CNN2: variants seen among roughly 807,000 people sequenced by gnomAD.
The protein encoded by CNN2 is calponin-2.
CNN2 carries 21 observed loss-of-function variants against 31.0 expected under a neutral mutation model. That is an observed-to-expected ratio of 0.68 (90% CI 0.48 to 0.98). CNN2 has a LOEUF of 0.98. Among genes scored for constraint, CNN2 ranks in the 50% least tolerant of loss-of-function variants. The pLI is 0.00. For missense variants in CNN2, 399 were observed against 427.3 expected, an observed-to-expected ratio of 0.93 and a Z score of 0.58; for synonymous variants, 165 against 179.6, an observed-to-expected ratio of 0.92 and a Z score of 0.65.
chr19:1,036,812 C>T, intron 6 of CNN2: 2 of 600,538 alleles, frequency 3.3e-6, no homozygotes, highest in Non-Finnish European at 5.9e-6. Context: ...AAGGACTGCC[C>T]AAAGGTCCAC....
intron 2 of CNN2, among the ~76,000 whole-genome samples, chr19:1,032,015 G>T (rs1459223418): frequency 6.6e-6 from 1 of 151,754 alleles, no homozygotes; most frequent in African/African-American, 2.4e-5. Flanking sequence ...GGATCACGAG[G>T]TCAGGAGATC....
In CNN2 at chr19:1,037,708, C is replaced by G; in HGVS notation, c.738C>G (p.Ser246=). Residue 246 remains serine, a synonymous_variant, in exon 7 of 7, where the codon TCC becomes TCG. Transcript: ENST00000263097. The part of the protein sequence containing the change: ...GTDKCDNSSM[S]LQMGYTQGAN... ...ACAAGTGTGACAACTCCTCCATGTC[C>G]CTGCAGATGGGCTACACGCAGGGCG... The G allele has an allele frequency of 2.5e-6, 4 of 1,611,604 alleles. No homozygotes were observed. The highest frequency in any genetic ancestry group is 2.5e-6 in the Non-Finnish European group (3 of 1,180,038).
rs921857808 is a variant in CNN2, at chr19:1,027,772, C to T, written c.63+1048C>T. Among the ~76,000 whole-genome samples, 6 of 147,476 alleles carry T rather than the reference C, an allele frequency of 4.1e-5. No individual in the cohort carries two copies. The South Asian group carries it at 1.2e-3, about 29-fold the overall frequency. Reference sequence around the variant, plus strand: ...GCCCACTGGGCACCTGGGAAGGTGTCCTTACAGCTGACTTCTGCAGGGGAA... The same window carrying T: ...GCCCACTGGGCACCTGGGAAGGTGTTCTTACAGCTGACTTCTGCAGGGGAA... On this transcript the variant is annotated intron_variant, in intron 1 of 6. Transcript: ENST00000263097.
Position 1,032,907 on chromosome 19 carries a change from T to C in CNN2, c.390+211T>C, listed in dbSNP as rs112053267. 4.2e-3 allele frequency: 2,021 copies of C among 483,594 alleles called. 10 individuals are homozygous for C. Among genetic ancestry groups the C allele is most frequent in the Middle Eastern group, 6.0e-3 (10 of 1,664 alleles). The allele number at this position is 483,594 out of a possible 1,614,324, so 30.0% of individuals were successfully genotyped here. On this transcript the variant is annotated intron_variant, in intron 4 of 6. Transcript: ENST00000263097. ...GATTCTTCTGCCTCAGTCTCCCGAGTAGCTGGGATTACAGGCACCTGCCAC... is the reference window on the plus strand; with the variant it reads ...GATTCTTCTGCCTCAGTCTCCCGAGCAGCTGGGATTACAGGCACCTGCCAC...
chr19:1,032,430 T>C lies in CNN2; in HGVS notation c.224T>C (p.Ile75Thr), dbSNP rs778904208. Reference protein sequence around the residue: ...NKLQPGSVPKINRSMQNWHQL... With the variant: ...NKLQPGSVPKTNRSMQNWHQL... ...CTACAGCCGGGCTCCGTCCCCAAGA[T>C]CAACCGCTCCATGCAGAACTGGCAC... Residue 75 changes from isoleucine (I) to threonine (T), a missense_variant, in exon 3 of 7, where the codon ATC becomes ACC. Physicochemically the swap from Ile to Thr is moderately conservative, Grantham distance 89. Coordinates refer to ENST00000263097, the MANE Select transcript of CNN2 (RefSeq NM_004368.4). The C allele has an allele frequency of 6.2e-5, 100 of 1,613,478 alleles. No individual in the cohort carries two copies. The highest frequency in any genetic ancestry group is 2.5e-6 in the Non-Finnish European group (3 of 1,179,996).
intron 6 of CNN2, chr19:1,037,233 C>G (rs2144632478): frequency 4.4e-6 from 1 of 225,120 alleles, no homozygotes; most frequent in East Asian, 1.1e-4. Flanking sequence ...GAACTCCTGA[C>G]CTCAGGTGAT....
At position 1,033,258 on chromosome 19, in the gene CNN2, C is replaced by T. The variant is rs561198282; in HGVS notation, c.390+562C>T. Reference sequence around the variant, plus strand: ...TCTGGCCGGGCGCAGTGGCTCACACCTGTAATCCCAGCACTTTGGGAGGCC... The same window carrying T: ...TCTGGCCGGGCGCAGTGGCTCACACTTGTAATCCCAGCACTTTGGGAGGCC... On this transcript the variant is annotated intron_variant, in intron 4 of 6. Coordinates refer to ENST00000263097, the MANE Select transcript of CNN2 (RefSeq NM_004368.4). Among the ~76,000 whole-genome samples, 4 of 152,080 alleles carry T rather than the reference C, an allele frequency of 2.6e-5. No individual in the cohort carries two copies. The South Asian group carries it at 8.3e-4, about 32-fold the overall frequency.
Position 1,037,811 on chromosome 19 carries a change from G to A in CNN2, c.841G>A (p.Asp281Asn), listed in dbSNP as rs80117328. Residue 281 changes from aspartate to asparagine, a missense_variant, in exon 7 of 7, where the codon GAT (aspartate) becomes AAT (asparagine). By Grantham distance (23) the Asp-to-Asn change is conservative. Coordinates refer to ENST00000263097, the MANE Select transcript of CNN2 (RefSeq NM_004368.4). ...GTACTGCCCGCAAGGCACAGTGGCC[G>A]ATGGGGCTCCCTCGGGCACCGGCGA... The part of the protein sequence containing the change: ...PKYCPQGTVA[D>N]GAPSGTGDCP... 3.2e-5 allele frequency: 51 copies of A among 1,582,702 alleles called. No individual in the cohort carries two copies. The highest frequency in any genetic ancestry group is 2.5e-4 in the African/African-American group (17 of 69,272).
intron 4 of CNN2, 128 bp from the exon 5 acceptor site, chr19:1,036,002 C>T: frequency 7.1e-7 from 1 of 1,400,186 alleles, no homozygotes; most frequent in Non-Finnish European, 9.4e-7. Flanking sequence ...AGAGATGTGC[C>T]TGTGGGGGCT....
intron 2 of CNN2, among the ~76,000 whole-genome samples, 154 bp downstream of exon 2, chr19:1,031,346 G>GGA (rs2039491806): frequency 2.2e-5 from 2 of 91,802 alleles, no homozygotes. Context: ...GGTGGCGGGG[G>GGA]GCGGTGGATC....
chr19:1,033,743 G>A (rs10415158), intron 4 of CNN2, among the ~76,000 whole-genome samples: 3 of 56,564 alleles, frequency 5.3e-5, no homozygotes, highest in Non-Finnish European at 1.1e-4. Context: ...TGGTGTAGAC[G>A]GGGAGCGTGG....
Position 1,026,686 on chromosome 19 carries a change from G to T in CNN2, c.25G>T (p.Gly9Cys). MSSTQFNKGPSYGLSAEVK... is the reference protein window; with the variant it reads MSSTQFNKCPSYGLSAEVK... ...CATGAGCTCCACGCAGTTCAACAAGGGCCCCTCGTACGGGCTGTCGGCCGA... is the reference window on the plus strand; with the variant it reads ...CATGAGCTCCACGCAGTTCAACAAGTGCCCCTCGTACGGGCTGTCGGCCGA... Residue 9 changes from glycine to cysteine, a missense_variant, in exon 1 of 7, where the codon GGC (glycine) becomes TGC (cysteine). Physicochemically the swap from Gly to Cys is radical, Grantham distance 159. Coordinates refer to ENST00000263097, the MANE Select transcript of CNN2 (RefSeq NM_004368.4). The T allele has an allele frequency of 8.4e-6, 13 of 1,549,398 alleles. No homozygotes were observed. The highest frequency in any genetic ancestry group is 2.5e-5 in the East Asian group (1 of 40,602).
At position 1,032,435 on chromosome 19, in the gene CNN2, C is replaced by A; in HGVS notation, c.229C>A (p.Arg77Ser). ...GCCGGGCTCCGTCCCCAAGATCAAC[C>A]GCTCCATGCAGAACTGGCACCAGGT... ...LQPGSVPKIN[R>S]SMQNWHQLEN... The change falls in exon 3 of 7, where the codon CGC (arginine) becomes AGC (serine). Residue 77 changes from arginine (R) to serine (S), a missense_variant. Coordinates refer to ENST00000263097, the MANE Select transcript of CNN2 (RefSeq NM_004368.4). 6.2e-7 allele frequency: 1 copy of A among 1,613,682 alleles called. No homozygotes were observed. Among genetic ancestry groups the A allele is most frequent in the Non-Finnish European group, 8.5e-7 (1 of 1,180,004 alleles).
Position 1,031,165 on chromosome 19 carries a change from G to C in CNN2, c.158G>C (p.Gly53Ala), listed in dbSNP as rs747365930. 2.5e-6 allele frequency: 4 copies of C among 1,613,210 alleles called. No individual in the cohort carries two copies. The highest frequency in any genetic ancestry group is 3.4e-6 in the Non-Finnish European group (4 of 1,179,816). Reference sequence around the variant, plus strand: ...TCCATCGGCCCCGACTTCCAGAAGGGCCTGAAGGATGGAACTATCTTATGC... The same window carrying C: ...TCCATCGGCCCCGACTTCCAGAAGGCCCTGAAGGATGGAACTATCTTATGC... ...GLSIGPDFQK[G>A]LKDGTILCTL... The change falls in exon 2 of 7, where the codon GGC becomes GCC. Residue 53 changes from glycine to alanine, a missense_variant. Coordinates refer to ENST00000263097, the MANE Select transcript of CNN2 (RefSeq NM_004368.4).
At chr19:1,035,213 AGACCGGGAGCGTGGGTGGGACACG>A (rs2039561524) in intron 4 of CNN2, among the ~76,000 whole-genome samples, 1 of 142,968 alleles carries the variant, frequency 7.0e-6, no homozygotes, top group Non-Finnish European at 1.5e-5. Flanking sequence ...TGTCTGGTGT[AGACCGGGAGCGTGGGTGGGACACG>A]GTGTCTGGTG....
chr19:1,036,504 C>T lies in CNN2; in HGVS notation c.596C>T (p.Pro199Leu). The stretch of plus-strand genomic sequence containing the variant: ...TATGACCCCAAGAACCATATCCTGC[C>T]CCCCATGGACCACTCGACCATCAGC... ...HLYDPKNHILPPMDHSTISLQ... is the reference protein window; with the variant it reads ...HLYDPKNHILLPMDHSTISLQ... Residue 199 changes from proline (P) to leucine (L), a missense_variant, in exon 6 of 7, where the codon CCC becomes CTC. Pro to Leu is a moderately conservative substitution (Grantham distance 98). Transcript: ENST00000263097. 2 of 1,613,338 alleles carry T rather than the reference C, an allele frequency of 1.2e-6. No homozygotes were observed. Among genetic ancestry groups the T allele is most frequent in the Non-Finnish European group, 8.5e-7 (1 of 1,179,352 alleles).
At chr19:1,037,326 T>C (rs541050622) in intron 6 of CNN2, 15 of 328,540 alleles carry the variant, frequency 4.6e-5, no homozygotes, top group South Asian at 2.8e-4. Flanking sequence ...TTAGTAGATA[T>C]GGGGTTTCAC....
In CNN2 at chr19:1,037,854, A is replaced by T. The variant is rs754746934; in HGVS notation, c.884A>T (p.Glu295Val). The T allele has an allele frequency of 1.2e-6, 2 of 1,603,310 alleles. No individual in the cohort carries two copies. The highest frequency in any genetic ancestry group is 2.2e-5 in the South Asian group (2 of 90,746). Residue 295 changes from glutamate to valine, a missense_variant, in exon 7 of 7, where the codon GAG becomes GTG. By Grantham distance (121) the Glu-to-Val change is moderately radical. Coordinates refer to ENST00000263097, the MANE Select transcript of CNN2 (RefSeq NM_004368.4). ...ACCGGCGACTGCCCGGACCCGGGGG[A>T]GGTCCCTGAATATCCCCCTTACTAC... ...SGTGDCPDPG[E>V]VPEYPPYYQE...
intron 1 of CNN2, chr19:1,026,966 C>G (rs970271915): frequency 4.1e-6 from 2 of 490,804 alleles, no homozygotes; most frequent in Admixed American, 4.0e-5. Flanking sequence ...ATTCCCCCCC[C>G]CAACATCTAG....
Sources: allele counts gnomAD v4.1 joint callset (sites outside exome capture counted in the v4.1 genomes callset), GRCh38; gene constraint gnomAD v4.1.1; transcripts MANE v1.5; gene names NCBI Gene and HGNC (gene_info 2026-07-23, HGNC 2026-07-21).